CDH12: variants seen among roughly 807,000 people sequenced by gnomAD.
CDH12 encodes the protein cadherin-12.
Under a neutral mutation model 74.1 loss-of-function variants are expected in CDH12, and 41 were observed. The observed-to-expected ratio is 0.55, with a 90% CI of 0.43 to 0.72. CDH12 has a LOEUF of 0.72. Ranked by LOEUF, CDH12 falls within the 30% of genes least tolerant of loss-of-function variation. CDH12 has a pLI of 0.00. For synonymous variants in CDH12, 399 were observed against 355.0 expected, an observed-to-expected ratio of 1.12 and a Z score of -1.39; for missense variants, 945 against 977.2, an observed-to-expected ratio of 0.97 and a Z score of 0.44.
intron 1 of CDH12, among the ~76,000 whole-genome samples, chr5:22,632,308 G>T (rs1283263316): frequency 6.6e-6 from 1 of 152,044 alleles, no homozygotes; most frequent in Admixed American, 6.6e-5. Context: ...AAGTTACCCA[G>T]TCTCAGGAGT....
intron 1 of CDH12, among the ~76,000 whole-genome samples, chr5:22,650,640 G>A (rs1739687300): frequency 6.6e-6 from 1 of 152,014 alleles, no homozygotes; most frequent in African/African-American, 2.4e-5. Context: ...TGTCTACCAC[G>A]GTGGTTTGAG....
chr5:21,923,788 T>C (rs1171212498), intron 6 of CDH12, among the ~76,000 whole-genome samples: 1 of 152,248 alleles, frequency 6.6e-6, no homozygotes, highest in South Asian at 2.1e-4. Flanking sequence ...TACAATGTTT[T>C]TGTTTTCTAT....
chr5:21,814,281 G>C (rs1209556822), intron 9 of CDH12, among the ~76,000 whole-genome samples: 1 of 151,420 alleles, frequency 6.6e-6, no homozygotes, highest in African/African-American at 2.4e-5. Flanking sequence ...TTTTAATCCA[G>C]TTAAGAAGAA....
chr5:22,061,966 T>C (rs1310252249), intron 5 of CDH12, among the ~76,000 whole-genome samples: 1 of 151,748 alleles, frequency 6.6e-6, no homozygotes, highest in Admixed American at 6.6e-5. Flanking sequence ...CAGACATCCA[T>C]AAATAAGAAA....
At chr5:22,033,578 T>C (rs908795079) in intron 5 of CDH12, among the ~76,000 whole-genome samples, 2 of 152,170 alleles carry the variant, frequency 1.3e-5, no homozygotes, top group African/African-American at 4.8e-5. Context: ...ATGACTTTGG[T>C]GGTTATTTGA....
intron 8 of CDH12, among the ~76,000 whole-genome samples, chr5:21,836,472 C>T (rs1749544478): frequency 6.7e-6 from 1 of 148,976 alleles, no homozygotes. Context: ...AACACACACA[C>T]ACACACACAC....
intron 1 of CDH12, among the ~76,000 whole-genome samples, chr5:22,527,028 C>T (rs1465203112): frequency 2.6e-5 from 4 of 152,148 alleles, no homozygotes; most frequent in African/African-American, 9.7e-5. Context: ...TAAGCTCTTA[C>T]TCTGACTGGT....
At chr5:21,880,232 C>CAAACAAAGTT in intron 6 of CDH12, among the ~76,000 whole-genome samples, 1 of 152,220 alleles carries the variant, frequency 6.6e-6, no homozygotes, top group East Asian at 2.0e-4. Flanking sequence ...ACCTATGGCT[C>CAAACAAAGTT]AAACAAAGTT....
intron 6 of CDH12, among the ~76,000 whole-genome samples, chr5:21,963,290 C>T (rs1244451227): frequency 6.6e-6 from 1 of 152,018 alleles, no homozygotes; most frequent in African/African-American, 2.4e-5. Flanking sequence ...TGGCTCTTGT[C>T]CCTCTACCCC....
At chr5:22,235,300 G>A (rs1340965141) in intron 3 of CDH12, among the ~76,000 whole-genome samples, 6 of 151,926 alleles carry the variant, frequency 3.9e-5, no homozygotes, top group East Asian at 1.9e-4. Context: ...CAAATTATAC[G>A]GCCAGACACC....
chr5:21,785,587 T>G (rs1746154289), intron 10 of CDH12, among the ~76,000 whole-genome samples: 1 of 152,134 alleles, frequency 6.6e-6, no homozygotes, highest in Non-Finnish European at 1.5e-5. Flanking sequence ...TAGAGAAACT[T>G]TAGCGGTCTG....
chr5:22,534,202 T>A (rs577329070), intron 1 of CDH12, among the ~76,000 whole-genome samples: 82 of 152,204 alleles, frequency 5.4e-4, no homozygotes, highest in South Asian at 2.7e-3. Context: ...CTTTTTTTTT[T>A]AATTTTTTTA....
intron 5 of CDH12, among the ~76,000 whole-genome samples, chr5:21,977,451 T>C (rs1757117477): frequency 6.6e-6 from 1 of 152,106 alleles, no homozygotes; most frequent in African/African-American, 2.4e-5. Flanking sequence ...AAAAGCTCAA[T>C]GCAAAAGGCA....
intron 3 of CDH12, among the ~76,000 whole-genome samples, chr5:22,269,228 A>T (rs545999080): frequency 1.1e-4 from 17 of 152,302 alleles, no homozygotes; most frequent in African/African-American, 3.8e-4. Context: ...AAATAAAATA[A>T]CATTTTGTGA....
chr5:21,895,545 T>G (rs933616159), intron 6 of CDH12, among the ~76,000 whole-genome samples: 1 of 152,114 alleles, frequency 6.6e-6, no homozygotes, highest in Non-Finnish European at 1.5e-5. Context: ...TTTCCAGAGC[T>G]CCATATGCAT....
intron 3 of CDH12, among the ~76,000 whole-genome samples, chr5:22,253,911 C>T (rs754571455): frequency 9.9e-5 from 15 of 151,874 alleles, no homozygotes; most frequent in African/African-American, 1.2e-4. Context: ...TCGAATGGAG[C>T]GAGTATGCCT....
intron 3 of CDH12, among the ~76,000 whole-genome samples, chr5:22,313,074 G>T (rs1033222384): frequency 6.6e-6 from 1 of 152,286 alleles, no homozygotes; most frequent in Admixed American, 6.5e-5. Context: ...CTTGCCAGTA[G>T]CATTCACTTC....
intron 6 of CDH12, among the ~76,000 whole-genome samples, chr5:21,933,845 T>G (rs532940429): frequency 6.6e-6 from 1 of 152,270 alleles, no homozygotes; most frequent in East Asian, 1.9e-4. Context: ...CATTACACAT[T>G]TGTTCACTGA....
chr5:22,620,066 TA>T (rs1181541974), intron 1 of CDH12, among the ~76,000 whole-genome samples: 4 of 152,068 alleles, frequency 2.6e-5, no homozygotes, highest in African/African-American at 4.8e-5. Flanking sequence ...TCTTGGTCAA[TA>T]AAAAAGCTAG....
Sources: gnomAD v4.1 joint callset for allele counts (sites outside exome capture counted in the v4.1 genomes callset) on GRCh38, gnomAD v4.1.1 for gene constraint, MANE v1.5 for transcripts, NCBI Gene and HGNC (gene_info 2026-07-23, HGNC 2026-07-21) for gene names.